The following PLAT variants were observed in gnomAD, a reference collection of about 807,000 sequenced individuals.
PLAT encodes the protein tissue-type plasminogen activator.
A neutral mutation model predicts 74.9 loss-of-function variants in PLAT; 48 were observed. The ratio of observed to expected loss-of-function variants is 0.64; its 90% CI spans 0.51 to 0.82. The LOEUF is 0.82. PLAT is among the 40% of genes least tolerant of loss of function. The pLI is 0.00. For synonymous variants in PLAT, 307 were observed against 294.4 expected (o/e 1.04, Z -0.44); for missense variants, 673 against 736.2 (o/e 0.91, Z 0.99).
At chr8:42,203,784 GCA>G (rs1806221823) in intron 1 of PLAT, among the ~76,000 whole-genome samples, 2 of 151,936 alleles carry the variant, frequency 1.3e-5, no homozygotes, top group African/African-American at 4.8e-5. Context: ...GGGCAACAAA[GCA>G]AAACTCTGCT....
At chr8:42,203,971 A>T (rs944010587) in intron 1 of PLAT, among the ~76,000 whole-genome samples, 1 of 109,832 alleles carries the variant, frequency 9.1e-6, no homozygotes. Flanking sequence ...TCTCTAAATT[A>T]TATATATATA....
intron 13 of PLAT, among the ~76,000 whole-genome samples, chr8:42,176,550 C>T (rs918523739): frequency 4.6e-5 from 7 of 152,108 alleles, no homozygotes; most frequent in Non-Finnish European, 8.8e-5. Flanking sequence ...GACCCTGAAC[C>T]GGAATAAGCA....
rs150077324 is a variant in PLAT at position 42,207,483 on chromosome 8, AC to A, written c.-27+10del. The stretch of plus-strand genomic sequence containing the variant: ...AGGAGACAGACCCCAAGGTACAGAA[AC>A]CCGACCTACCACGGCTTGCTCCTTC... On this transcript the variant is annotated intron_variant, in intron 1 of 13. Coordinates refer to ENST00000220809, the MANE Select transcript of PLAT (RefSeq NM_000930.5). 1 of 152,302 alleles carries A rather than the reference AC, an allele frequency of 6.6e-6. No individual in the cohort carries two copies. Among genetic ancestry groups the A allele is most frequent in the East Asian group, 1.9e-4 (1 of 5,170 alleles). 9.4% of individuals were successfully genotyped at this position (152,302 alleles called of 1,614,324 possible). A position where few individuals can be genotyped will look rare whatever the true frequency, so the allele number is the denominator to read the frequency against.
intron 1 of PLAT, among the ~76,000 whole-genome samples, chr8:42,203,992 T>TACACACACACACAC (rs775189467): frequency 4.7e-4 from 52 of 109,780 alleles, no homozygotes; most frequent in African/African-American, 2.4e-3. Context: ...TATATATATA[T>TACACACACACACAC]ACACACACAC....
At chr8:42,192,490 G>T (rs1296821181) in intron 2 of PLAT, among the ~76,000 whole-genome samples, 1 of 152,146 alleles carries the variant, frequency 6.6e-6, no homozygotes, top group Non-Finnish European at 1.5e-5. Flanking sequence ...AGCTATGATT[G>T]TGCCATTGCA....
rs953462897 is a variant in PLAT, at chr8:42,174,796, G to A, written c.*1197C>T. On this transcript the variant is annotated 3_prime_UTR_variant, in exon 14 of 14. Coordinates refer to ENST00000220809, the MANE Select transcript of PLAT (RefSeq NM_000930.5). ...AATTCCAGCCTATGTTCCTCTTCCTGAAGTTCACTTCAGACAAGCTCAACT... is the reference window on the plus strand; with the variant it reads ...AATTCCAGCCTATGTTCCTCTTCCTAAAGTTCACTTCAGACAAGCTCAACT... Among the ~76,000 whole-genome samples, 1 of 152,104 alleles carries A rather than the reference G, an allele frequency of 6.6e-6. No homozygotes were observed. Among genetic ancestry groups the A allele is most frequent in the Admixed American group, 6.5e-5 (1 of 15,278 alleles).
Position 42,198,924 on chromosome 8 carries a change from A to G in PLAT, c.-26-5713T>C, listed in dbSNP as rs1806022311. ...CAGATGAATGCCAACAATTAAGAAA[A>G]GAAACGGCCAGGATTCCTTGGACCA... is the stretch of plus-strand genomic sequence containing the variant. On this transcript the variant is annotated intron_variant, in intron 1 of 13. Coordinates refer to ENST00000220809, the MANE Select transcript of PLAT (RefSeq NM_000930.5). Among the ~76,000 whole-genome samples the G allele has an allele frequency of 2.0e-5, 3 of 152,222 alleles. No homozygotes were observed. The South Asian group carries it at 6.2e-4, about 32-fold the overall frequency.
chr8:42,192,773 T>TA (rs1805734469), intron 2 of PLAT, among the ~76,000 whole-genome samples: 1 of 152,100 alleles, frequency 6.6e-6, no homozygotes, highest in Admixed American at 6.5e-5. Flanking sequence ...ACCCCATAGA[T>TA]ATGAGGGACA....
intron 1 of PLAT, among the ~76,000 whole-genome samples, chr8:42,195,289 C>T (rs905697870): frequency 6.6e-6 from 1 of 152,174 alleles, no homozygotes; most frequent in Non-Finnish European, 1.5e-5. Context: ...ACAGATTCTC[C>T]CCGGGCTCCT....
At chr8:42,199,161 ATAAGTAATTCT>A (rs755843467) in intron 1 of PLAT, among the ~76,000 whole-genome samples, 1 of 152,258 alleles carries the variant, frequency 6.6e-6, no homozygotes, top group Non-Finnish European at 1.5e-5. Flanking sequence ...CTACCATCAC[ATAAGTAATTCT>A]TAACTTTTCG....
Position 42,175,861 on chromosome 8 carries a change from G to T in PLAT, c.*132C>A, listed in dbSNP as rs555514809. 2.7e-5 allele frequency: 22 copies of T among 807,414 alleles called. No individual in the cohort carries two copies. In the African/African-American group the frequency reaches 3.8e-4, roughly 14 times the overall value. 50.0% of individuals were successfully genotyped at this position (807,414 alleles called of 1,614,324 possible). ...GGGAAAATGCACTCTTCCCTCTCCT[G>T]TAGGGTCTCGTCCCGCTTCTGCGGT... is the stretch of plus-strand genomic sequence containing the variant. On this transcript the variant is annotated 3_prime_UTR_variant, in exon 14 of 14. Coordinates refer to ENST00000220809, the MANE Select transcript of PLAT (RefSeq NM_000930.5).
intron 1 of PLAT, chr8:42,195,704 A>C (rs905666557): frequency 2.6e-5 from 4 of 152,138 alleles, no homozygotes; most frequent in African/African-American, 9.7e-5. Context: ...AAACTGCCCA[A>C]AATTCCTCTT....
At chr8:42,194,327 C>T (rs948962909) in intron 1 of PLAT, among the ~76,000 whole-genome samples, 5 of 150,356 alleles carry the variant, frequency 3.3e-5, no homozygotes, top group African/African-American at 4.9e-5. Flanking sequence ...TCTCGAACTC[C>T]TGGGCACAAA....
intron 12 of PLAT, 117 bp from the exon 13 acceptor site, chr8:42,179,180 G>T (rs1805107954): frequency 1.4e-6 from 1 of 693,832 alleles, no homozygotes; most frequent in Non-Finnish European, 2.5e-6. Context: ...CATGTATTAG[G>T]TCGAATCCTA....
intron 13 of PLAT, among the ~76,000 whole-genome samples, chr8:42,178,304 C>T (rs1461309580): frequency 8.1e-6 from 1 of 123,368 alleles, no homozygotes; most frequent in African/African-American, 3.2e-5. Flanking sequence ...GAGTTTCGCT[C>T]TTGTTGCCCA....
At chr8:42,181,752 T>G (rs1405524886) in intron 9 of PLAT, among the ~76,000 whole-genome samples, 185 bp downstream of exon 9, 2 of 101,122 alleles carry the variant, frequency 2.0e-5, no homozygotes, top group Non-Finnish European at 4.0e-5. Context: ...ACCACCCCCA[T>G]GCATGGGTCA....
intron 1 of PLAT, among the ~76,000 whole-genome samples, chr8:42,203,830 G>A (rs1427458747): frequency 6.6e-6 from 1 of 151,896 alleles, no homozygotes; most frequent in Non-Finnish European, 1.5e-5. Flanking sequence ...GCTGGATATG[G>A]CAGCATGCCC....
At chr8:42,194,050 C>CTTTTTCTTTTTT (rs1805798477) in intron 1 of PLAT, among the ~76,000 whole-genome samples, 2 of 84,910 alleles carry the variant, frequency 2.4e-5, no homozygotes, top group South Asian at 9.6e-4. Flanking sequence ...TTTCTTCTTT[C>CTTTTTCTTTTTT]TTTTTTTTTT....
At chr8:42,186,514 T>C (rs1805464599) in intron 6 of PLAT, 2 of 152,186 alleles carry the variant, frequency 1.3e-5, no homozygotes, top group African/African-American at 2.4e-5. Context: ...ATCTCACACA[T>C]GTTGATTGAT....
Sources: gnomAD v4.1 joint callset for allele counts (sites outside exome capture counted in the v4.1 genomes callset) on GRCh38, gnomAD v4.1.1 for gene constraint, MANE v1.5 for transcripts, NCBI Gene and HGNC (gene_info 2026-07-23, HGNC 2026-07-21) for gene names.